CDKL5: variants seen among roughly 807,000 people sequenced by gnomAD.
CDKL5 encodes cyclin dependent kinase like 5.
In CDKL5, 8 loss-of-function variants were observed where a neutral mutation model predicts 61.7. The ratio of observed to expected loss-of-function variants is 0.13; its 90% CI spans 0.08 to 0.23. The LOEUF (loss-of-function observed/expected upper bound fraction) is 0.23. Among genes scored for constraint, CDKL5 ranks in the 10% least tolerant of loss-of-function variants. The pLI, the probability that CDKL5 is intolerant of heterozygous loss-of-function variation, is 1.00. For synonymous variants in CDKL5, 275 were observed against 272.3 expected (o/e 1.01, Z -0.10); for missense variants, 440 against 734.5 (o/e 0.60, Z 4.63).
At chrX:18,555,363 A>G (rs1262238582) in intron 3 of CDKL5, among the ~76,000 whole-genome samples, 1 of 112,403 alleles carries the variant, frequency 8.9e-6, no homozygotes, top group Non-Finnish European at 1.9e-5. Flanking sequence ...AGATACATGC[A>G]ATAGCATATG....
chrX:18,615,391 G>T (rs975552685), intron 15 of CDKL5, among the ~76,000 whole-genome samples: 3 of 111,900 alleles, frequency 2.7e-5, no homozygotes, highest in Non-Finnish European at 5.6e-5. Context: ...AAAGAGCCTT[G>T]TTATGGTAAT....
intron 2 of CDKL5, among the ~76,000 whole-genome samples, chrX:18,509,925 G>A (rs1922762580): frequency 9.2e-6 from 1 of 108,624 alleles, no homozygotes; most frequent in African/African-American, 3.4e-5. Context: ...GCTGAGGTGG[G>A]AGGATTGCTT....
chrX:18,506,230 C>T (rs1438810700), intron 1 of CDKL5, among the ~76,000 whole-genome samples: 1 of 111,790 alleles, frequency 8.9e-6, no homozygotes, highest in Non-Finnish European at 1.9e-5. Flanking sequence ...TATGGTCCTT[C>T]TCCTGCCCCA....
chrX:18,646,913 G>A lies in CDKL5; in HGVS notation c.2797+823G>A, dbSNP rs765874842. On this transcript the variant is annotated intron_variant, in intron 20 of 21. Transcript: ENST00000379989. ...TCTGTGTCATTTGTTTATTAGAGAGGCCTATATTTTTTTTCATTTTTGAGA... is the reference window on the plus strand; with the variant it reads ...TCTGTGTCATTTGTTTATTAGAGAGACCTATATTTTTTTTCATTTTTGAGA... Among the ~76,000 whole-genome samples the A allele has an allele frequency of 4.5e-5, 5 of 110,982 alleles. No homozygotes were observed. The South Asian group carries it at 1.9e-3, about 43-fold the overall frequency.
chrX:18,459,292 A>G (rs1293382661), intron 1 of CDKL5, among the ~76,000 whole-genome samples: 2 of 111,706 alleles, frequency 1.8e-5, no homozygotes, highest in Non-Finnish European at 1.9e-5. Flanking sequence ...ACCATGGCTC[A>G]TGCCTATAAT....
At chrX:18,585,191 C>T (rs1448887371) in intron 8 of CDKL5, among the ~76,000 whole-genome samples, 5 of 111,028 alleles carry the variant, frequency 4.5e-5, no homozygotes, top group Non-Finnish European at 9.4e-5. Flanking sequence ...CTCAGGAGTT[C>T]AAGACCAGCC....
At chrX:18,523,783 A>G (rs767746526) in intron 3 of CDKL5, among the ~76,000 whole-genome samples, 1 of 112,118 alleles carries the variant, frequency 8.9e-6, no homozygotes, top group South Asian at 3.7e-4. Context: ...TTTGGTTATT[A>G]TGAATAATGC....
At chrX:18,520,284 CTG>C (rs1923199290) in intron 3 of CDKL5, among the ~76,000 whole-genome samples, 1 of 112,222 alleles carries the variant, frequency 8.9e-6, no homozygotes, top group Non-Finnish European at 1.9e-5. Context: ...AATCTGCTTT[CTG>C]TATTTACCTA....
At position 18,620,962 on chromosome X, in the gene CDKL5, A is replaced by G. The variant is rs576492897; in HGVS notation, c.2376+996A>G. Among the ~76,000 whole-genome samples, 394 of 111,064 alleles carry G rather than the reference A, an allele frequency of 3.5e-3. 2 individuals carry two copies. In the Middle Eastern group the frequency reaches 0.041, roughly 12 times the overall value. ...ACCATGTTGCCCAGGCTGGTCTCGA[A>G]CTCCTGAGCTCAAGCAATCTGCCCA... On this transcript the variant is annotated intron_variant, in intron 16 of 17. Coordinates refer to ENST00000623535, the MANE Select transcript of CDKL5 (RefSeq NM_001323289.2).
chrX:18,644,473 C>A, downstream of CDKL5: 1 of 1,211,447 alleles, frequency 8.3e-7, no homozygotes, highest in South Asian at 1.8e-5. Context: ...CCAGTTCAGG[C>A]GCTCATCGGT....
At position 18,475,861 on chromosome X, in the gene CDKL5, A is replaced by G. The variant is rs747980381; in HGVS notation, c.-162-31074A>G. ...TCTAGTATCTGAATTTTAAAAATAC[A>G]TTGTATAGAGTTATGTTTACTCATA... On this transcript the variant is annotated intron_variant, in intron 1 of 17. Coordinates refer to ENST00000623535, the MANE Select transcript of CDKL5 (RefSeq NM_001323289.2). 8.9e-4 allele frequency among the ~76,000 whole-genome samples: 100 copies of G among 112,037 alleles called. 2 individuals are homozygous for G. Among genetic ancestry groups the G allele is most frequent in the African/African-American group, 3.2e-3 (98 of 30,915 alleles).
chrX:18,456,665 T>C (rs1932149867), intron 1 of CDKL5, among the ~76,000 whole-genome samples: 1 of 111,714 alleles, frequency 9.0e-6, no homozygotes, highest in African/African-American at 3.3e-5. Context: ...CTTGGAATGG[T>C]AACAATAATT....
Position 18,630,225 on chromosome X carries a change from C to T in CDKL5, c.*1468C>T, listed in dbSNP as rs555342016. 1.2e-5 allele frequency: 9 copies of T among 751,276 alleles called. No individual in the cohort carries two copies. In the South Asian group the frequency reaches 6.2e-4, roughly 52 times the overall value. 61.9% of individuals were successfully genotyped at this position (751,276 alleles called of 1,213,427 possible). ...CCCCATCAGAACAGGACCTATCTTC[C>T]CCTCATCTGATCTCTTTCAGCTCCC... On this transcript the variant is annotated 3_prime_UTR_variant, in exon 18 of 18. Transcript: ENST00000623535.
intron 1 of CDKL5, among the ~76,000 whole-genome samples, chrX:18,480,825 T>G (rs1043684369): frequency 6.6e-5 from 7 of 106,465 alleles, no homozygotes; most frequent in African/African-American, 2.3e-4. Context: ...TCCTTTCTTC[T>G]TTCTTCTTCT....
intron 14 of CDKL5, among the ~76,000 whole-genome samples, chrX:18,611,156 C>T (rs761314381): frequency 7.5e-4 from 84 of 111,513 alleles, no homozygotes; most frequent in Non-Finnish European, 1.5e-3. Context: ...ACTGGCCGGG[C>T]GCAGTGGCTC....
At chrX:18,614,571 T>C (rs1326253881) in intron 15 of CDKL5, among the ~76,000 whole-genome samples, 1 of 112,299 alleles carries the variant, frequency 8.9e-6, no homozygotes, top group Non-Finnish European at 1.9e-5. Flanking sequence ...AATGCCTGGC[T>C]CCGTAAGCAT....
intron 3 of CDKL5, among the ~76,000 whole-genome samples, chrX:18,545,665 T>C (rs1051904555): frequency 8.9e-6 from 1 of 112,604 alleles, no homozygotes; most frequent in Non-Finnish European, 1.9e-5. Flanking sequence ...GGTACTATAA[T>C]CTTAGAGTTT....
chrX:18,604,518 C>G lies in CDKL5; in HGVS notation c.1594C>G (p.Pro532Ala). The G allele has an allele frequency of 8.3e-7, 1 of 1,211,811 alleles. No individual in the cohort carries two copies. The highest frequency in any genetic ancestry group is 1.1e-6 in the Non-Finnish European group (1 of 895,502). ...CTTGAATTCTCCCACCAGCCCAACC[C>G]CCACCAGACACAGTGACACGAGAAC... is the stretch of plus-strand genomic sequence containing the variant. ...LDLNSPTSPT[P>A]TRHSDTRTLL... Residue 532 changes from proline (P) to alanine (A), a missense_variant, in exon 12 of 18, where the codon CCC (proline) becomes GCC (alanine). By Grantham distance (27) the Pro-to-Ala change is conservative. This residue lies in a region of CDKL5 where 363 missense variants were observed against 516.3 expected (regional missense o/e 0.70). Transcript: ENST00000623535.
At chrX:18,553,106 A>T (rs1924456408) in intron 3 of CDKL5, among the ~76,000 whole-genome samples, 1 of 110,928 alleles carries the variant, frequency 9.0e-6, no homozygotes, top group Non-Finnish European at 1.9e-5. Flanking sequence ...ACCCATTTGA[A>T]AACAATGTAG....
Sources: gnomAD v4.1 joint callset for allele counts (sites outside exome capture counted in the v4.1 genomes callset) on GRCh38, gnomAD v4.1.1 for gene constraint, gnomAD v4.1.1 regional missense constraint, MANE v1.5 for transcripts, NCBI Gene and HGNC (gene_info 2026-07-23, HGNC 2026-07-21) for gene names.